Variants in KRT25 observed in about 807,000 individuals in gnomAD.
KRT25 encodes the protein keratin 25, also known as keratin, type I cytoskeletal 25.
A neutral mutation model predicts 47.6 loss-of-function variants in KRT25; 37 were observed. That is an observed-to-expected ratio of 0.78 (90% CI 0.60 to 1.02). The LOEUF is 1.02. KRT25 is among the 50% of genes least tolerant of loss of function. The probability of loss-of-function intolerance (pLI) is 0.00; values close to 1 mark genes in which losing one functional copy is unlikely to be tolerated. For synonymous variants in KRT25, 203 were observed against 210.2 expected, an observed-to-expected ratio of 0.97 and a Z score of 0.30; for missense variants, 542 against 550.3, an observed-to-expected ratio of 0.98 and a Z score of 0.15.
At position 40,754,452 on chromosome 17, in the gene KRT25, G is replaced by A; in HGVS notation, c.446C>T (p.Thr149Ile). ...DLKNQIIAST[T>I]SNANAVLQID... Reference sequence around the variant, plus strand: ...CTGCAGAACAGCATTAGCATTGCTGGTGGTGGATGCGATGATCTAGAAATG... The same window carrying A: ...CTGCAGAACAGCATTAGCATTGCTGATGGTGGATGCGATGATCTAGAAATG... The change falls in exon 2 of 8, where the codon ACC becomes ATC. Residue 149 changes from threonine (T) to isoleucine (I), a missense_variant. Coordinates refer to ENST00000312150, the MANE Select transcript of KRT25 (RefSeq NM_181534.4). 1 of 1,613,602 alleles carries A rather than the reference G, an allele frequency of 6.2e-7. No homozygotes were observed. The highest frequency in any genetic ancestry group is 1.7e-5 in the Admixed American group (1 of 60,012).
intron 3 of KRT25, among the ~76,000 whole-genome samples, chr17:40,753,056 A>G (rs927377438): frequency 2.6e-5 from 4 of 152,142 alleles, no homozygotes; most frequent in Non-Finnish European, 2.9e-5. Context: ...CATGCTCATT[A>G]TTTTTACAGC....
At chr17:40,752,721 G>A (rs561518420) in intron 3 of KRT25, among the ~76,000 whole-genome samples, 54 of 152,104 alleles carry the variant, frequency 3.6e-4, no homozygotes, top group African/African-American at 1.2e-3. Flanking sequence ...AACACCATGG[G>A]CTGTAACTAT....
chr17:40,749,645 T>C (rs1320630480), intron 6 of KRT25, among the ~76,000 whole-genome samples: 2 of 152,174 alleles, frequency 1.3e-5, no homozygotes, highest in Non-Finnish European at 2.9e-5. Context: ...GTTTTGCAGG[T>C]TTATGAATTG....
intron 3 of KRT25, among the ~76,000 whole-genome samples, chr17:40,752,176 G>A (rs957194615): frequency 6.6e-6 from 1 of 152,070 alleles, no homozygotes; most frequent in East Asian, 1.9e-4. Context: ...ATAAGACTCC[G>A]TGATACTGCC....
intron 5 of KRT25, 87 bp downstream of exon 5, chr17:40,750,867 C>G: frequency 6.8e-7 from 1 of 1,469,954 alleles, no homozygotes; most frequent in Non-Finnish European, 9.3e-7. Flanking sequence ...AAATATATTT[C>G]AATATTGTTA....
At chr17:40,755,378 G>T, upstream of KRT25, 4 of 1,024,054 alleles carry the variant, frequency 3.9e-6, no homozygotes, top group Non-Finnish European at 4.2e-6. Flanking sequence ...TCCCAAGTGT[G>T]TTCTGAATGA....
Position 40,749,296 on chromosome 17 carries a change from T to G in KRT25, c.1205A>C (p.Lys402Thr). Reference sequence around the variant, plus strand: ...TCCCACATTTCCAGATCCATAATCTTTAGACTTGTAACCCCCAGACTTACA... The same window carrying G: ...TCCCACATTTCCAGATCCATAATCTGTAGACTTGTAACCCCCAGACTTACA... ...GACKSGGYKS[K>T]DYGSGNVGSQ... Residue 402 changes from lysine to threonine, a missense_variant, in exon 7 of 8, where the codon AAA becomes ACA. Transcript: ENST00000312150. The G allele has an allele frequency of 6.2e-7, 1 of 1,613,782 alleles. No homozygotes were observed. Among genetic ancestry groups the G allele is most frequent in the African/African-American group, 1.3e-5 (1 of 75,038 alleles).
intron 4 of KRT25, 37 bp from the exon 5 acceptor site, chr17:40,751,116 T>A (rs1316101718): frequency 6.2e-7 from 1 of 1,614,112 alleles, no homozygotes; most frequent in East Asian, 2.2e-5. Context: ...ATCTTAGTTT[T>A]GTGAATACCA....
rs533171385 is a variant in KRT25, at chr17:40,752,035, C to T, written c.670-709G>A. On this transcript the variant is annotated intron_variant, in intron 3 of 7. Coordinates refer to ENST00000312150, the MANE Select transcript of KRT25 (RefSeq NM_181534.4). ...CAGATCTCTCTGAATTTTGGTTCTG[C>T]CCTATAGTGGCTAGTGAGTTTGGGA... Among the ~76,000 whole-genome samples the T allele has an allele frequency of 6.6e-5, 10 of 152,084 alleles. No homozygotes were observed. In the East Asian group the frequency reaches 9.6e-4, roughly 15 times the overall value.
At chr17:40,754,567 A>G in intron 1 of KRT25, 99 bp from the exon 2 acceptor site, 1 of 1,117,686 alleles carries the variant, frequency 8.9e-7, no homozygotes, top group East Asian at 2.4e-5. Context: ...AAGAAATCAC[A>G]AGTAGGAGGG....
chr17:40,754,956 C>T lies in KRT25; in HGVS notation c.316G>A (p.Asp106Asn), dbSNP rs2038092178. 1.2e-6 allele frequency: 2 copies of T among 1,614,172 alleles called. No homozygotes were observed. Among genetic ancestry groups the T allele is most frequent in the South Asian group, 2.2e-5 (2 of 91,084 alleles). The change falls in exon 1 of 8, where the codon GAC becomes AAC. Residue 106 changes from aspartate to asparagine, a missense_variant. Asp to Asn is a conservative substitution (Grantham distance 23). Coordinates refer to ENST00000312150, the MANE Select transcript of KRT25 (RefSeq NM_181534.4). The part of the protein sequence containing the change: ...SVHALEEANA[D>N]LEQKIKGWYE... The stretch of plus-strand genomic sequence containing the variant: ...CAGCCCTTGATCTTCTGCTCCAGGT[C>T]AGCGTTGGCCTCCTCCAGAGCATGC...
Position 40,751,024 on chromosome 17 carries a change from C to T in KRT25, c.887G>A (p.Arg296Gln), listed in dbSNP as rs1268409487. The change falls in exon 5 of 8, where the codon CGG (arginine) becomes CAG (glutamine). Residue 296 changes from arginine to glutamine, a missense_variant. By Grantham distance (43) the Arg-to-Gln change is conservative. Coordinates refer to ENST00000312150, the MANE Select transcript of KRT25 (RefSeq NM_181534.4). ...SEDVGATTSA[R>Q]NELTEMKRTL... ...GCGCTTCATTTCAGTCAGCTCATTC[C>T]GGGCTGAGGTTGTGGCTCCGACATC... 15 of 1,614,098 alleles carry T rather than the reference C, an allele frequency of 9.3e-6. No individual in the cohort carries two copies. The highest frequency in any genetic ancestry group is 2.2e-5 in the East Asian group (1 of 44,880).
rs560256825 is a variant in KRT25 at position 40,751,087 on chromosome 17, G to A, written c.832-8C>T. 4.0e-5 allele frequency: 64 copies of A among 1,614,144 alleles called. No individual in the cohort carries two copies. The South Asian group carries it at 6.7e-4, about 17-fold the overall frequency. The stretch of plus-strand genomic sequence containing the variant: ...CTGCTGCAGGGAGGCGCTCTGAAAT[G>A]ACATAAGTGAAGGAGCAAATCTTAG... On this transcript the variant is annotated splice_polypyrimidine_tract_variant and splice_region_variant and intron_variant, in intron 4 of 7. Transcript: ENST00000312150.
Position 40,751,324 on chromosome 17 carries a change from T to C in KRT25, c.672A>G (p.Glu224=), listed in dbSNP as rs1372288045. The C allele has an allele frequency of 3.1e-6, 5 of 1,608,208 alleles. No individual in the cohort carries two copies. The Admixed American group carries it at 8.5e-5, about 27-fold the overall frequency. The change falls in exon 4 of 8, where the codon GAA becomes GAG. Residue 224 remains glutamate (E), a splice_region_variant and synonymous_variant. Coordinates refer to ENST00000312150, the MANE Select transcript of KRT25 (RefSeq NM_181534.4). ...CAGCTGCGCACTGCAGAACTTGCAT[T>C]TCCTAGAGGCAGAAAAGTGTTCTGC... The part of the protein sequence containing the change: ...MTYLKKNHKE[E]MQVLQCAAGG...
In KRT25 at chr17:40,755,326, C is replaced by G; in HGVS notation, c.-55G>C. On this transcript the variant is annotated 5_prime_UTR_variant, in exon 1 of 8. Coordinates refer to ENST00000312150, the MANE Select transcript of KRT25 (RefSeq NM_181534.4). ...TATTTGTGAAAGCCAGAATGGAGTG[C>G]CTTCTTGTCTAAAAGGTTTGGTTTG... 1.3e-6 allele frequency: 2 copies of G among 1,525,906 alleles called. No homozygotes were observed. Among genetic ancestry groups the G allele is most frequent in the South Asian group, 2.5e-5 (2 of 78,918 alleles). 94.5% of individuals were successfully genotyped at this position (1,525,906 alleles called of 1,614,324 possible).
intron 3 of KRT25, among the ~76,000 whole-genome samples, chr17:40,753,525 T>C (rs1244160191): frequency 6.6e-6 from 1 of 150,614 alleles, no homozygotes; most frequent in Non-Finnish European, 1.5e-5. Context: ...TGAAACCCCG[T>C]CTCTACTAAA....
intron 1 of KRT25, 79 bp from the exon 2 acceptor site, chr17:40,754,547 A>T: frequency 7.6e-7 from 1 of 1,317,858 alleles, no homozygotes; most frequent in South Asian, 1.2e-5. Context: ...GCTAAATTGG[A>T]ATTCTCTTTA....
intron 2 of KRT25, 96 bp from the exon 3 acceptor site, chr17:40,754,112 G>T: frequency 7.9e-7 from 1 of 1,273,692 alleles, no homozygotes; most frequent in Non-Finnish European, 1.1e-6. Flanking sequence ...CTGGAATTTT[G>T]AAGATTTGGC....
intron 7 of KRT25, 36 bp from the exon 8 acceptor site, chr17:40,748,422 T>A: frequency 7.5e-7 from 1 of 1,329,558 alleles, no homozygotes; most frequent in Non-Finnish European, 1.1e-6. Flanking sequence ...TTTTATGTAG[T>A]TAAAAAAAGA....
Sources: gnomAD v4.1 joint callset for allele counts (sites outside exome capture counted in the v4.1 genomes callset) on GRCh38, gnomAD v4.1.1 for gene constraint, MANE v1.5 for transcripts, NCBI Gene and HGNC (gene_info 2026-07-23, HGNC 2026-07-21) for gene names.